The following NEURL1B variants were observed in gnomAD, a reference collection of about 807,000 sequenced individuals.
The protein encoded by NEURL1B is neuralized E3 ubiquitin protein ligase 1B, also known as E3 ubiquitin-protein ligase NEURL1B.
Under a neutral mutation model 37.4 loss-of-function variants are expected in NEURL1B, and 13 were observed. The ratio of observed to expected loss-of-function variants is 0.35; its 90% CI spans 0.23 to 0.55. The LOEUF is 0.55. Ranked by LOEUF, NEURL1B falls within the 20% of genes least tolerant of loss-of-function variation. NEURL1B has a pLI of 0.89. For missense variants in NEURL1B, 790 were observed against 879.2 expected (o/e 0.90, Z 1.28); for synonymous variants, 432 against 426.6 (o/e 1.01, Z -0.16).
chr5:172,656,950 G>A (rs1757791909), intron 1 of NEURL1B, among the ~76,000 whole-genome samples: 1 of 152,150 alleles, frequency 6.6e-6, no homozygotes, highest in Non-Finnish European at 1.5e-5. Flanking sequence ...CTGTTAAGTG[G>A]CCATTACCTT....
intron 1 of NEURL1B, among the ~76,000 whole-genome samples, chr5:172,654,571 A>ATTTTT (rs34546667): frequency 7.3e-6 from 1 of 137,028 alleles, no homozygotes; most frequent in East Asian, 2.1e-4. Context: ...GAGTTAAACT[A>ATTTTT]TTTTTTTTTT....
At chr5:172,659,544 G>A (rs546675691) in intron 1 of NEURL1B, among the ~76,000 whole-genome samples, 24 of 152,274 alleles carry the variant, frequency 1.6e-4, no homozygotes, top group Non-Finnish European at 2.8e-4. Context: ...CTCCTGCCAC[G>A]CTGGGTCACT....
chr5:172,668,712 G>A (rs759049275), intron 1 of NEURL1B, among the ~76,000 whole-genome samples: 4 of 152,224 alleles, frequency 2.6e-5, no homozygotes, highest in Non-Finnish European at 5.9e-5. Context: ...CTCAGCTGCT[G>A]TGCGAAGAGC....
At chr5:172,651,309 T>C (rs1757658904) in intron 1 of NEURL1B, among the ~76,000 whole-genome samples, 4 of 152,324 alleles carry the variant, frequency 2.6e-5, no homozygotes, top group African/African-American at 9.6e-5. Flanking sequence ...TATGAGCCTT[T>C]GCATCAACTT....
intron 1 of NEURL1B, among the ~76,000 whole-genome samples, chr5:172,653,670 T>G (rs1297604491): frequency 6.6e-6 from 1 of 152,242 alleles, no homozygotes; most frequent in Non-Finnish European, 1.5e-5. Flanking sequence ...TTTTAACCTT[T>G]TAATGTAGGT....
chr5:172,663,604 A>G (rs970053311), intron 1 of NEURL1B, among the ~76,000 whole-genome samples: 1 of 151,192 alleles, frequency 6.6e-6, no homozygotes. Flanking sequence ...GGCAACTGCA[A>G]AGGTCTCCAC....
chr5:172,654,298 T>TA (rs781399475), intron 1 of NEURL1B, among the ~76,000 whole-genome samples: 6 of 152,334 alleles, frequency 3.9e-5, no homozygotes, highest in Non-Finnish European at 7.4e-5. Flanking sequence ...GCAGACCAAT[T>TA]ATTAGGCAAT....
At chr5:172,674,089 G>A (rs1322916005) in intron 2 of NEURL1B, among the ~76,000 whole-genome samples, 2 of 151,858 alleles carry the variant, frequency 1.3e-5, no homozygotes, top group African/African-American at 4.8e-5. Context: ...GCAGTGAGCC[G>A]AGATGGCACC....
intron 1 of NEURL1B, among the ~76,000 whole-genome samples, chr5:172,654,474 C>A (rs1757726002): frequency 6.6e-6 from 1 of 152,116 alleles, no homozygotes; most frequent in African/African-American, 2.4e-5. Flanking sequence ...ACTTAGATCC[C>A]CTGTTAGGAA....
Position 172,670,106 on chromosome 5 carries a change from C to T in NEURL1B, c.353C>T (p.Ala118Val). Residue 118 changes from alanine to valine, a missense_variant, in exon 2 of 5, where the codon GCC (alanine) becomes GTC (valine). By Grantham distance (64) the Ala-to-Val change is moderately conservative (BLOSUM62 0). Coordinates refer to ENST00000369800, the MANE Select transcript of NEURL1B (RefSeq NM_001142651.3). ...LMSAQDIPKY[A>V]CPDLVTRPGY... is the part of the protein sequence containing the mutation. ...AGCGCCCAGGACATCCCCAAGTACG[C>T]CTGCCCGGACCTGGTCACGCGGCCG... 8 of 1,522,364 alleles carry T rather than the reference C, an allele frequency of 5.3e-6. No individual in the cohort carries two copies. Among genetic ancestry groups the T allele is most frequent in the Non-Finnish European group, 6.1e-6 (7 of 1,140,966 alleles). 94.3% of individuals were successfully genotyped at this position (1,522,364 alleles called of 1,614,324 possible). A position where few individuals can be genotyped will look rare whatever the true frequency, so the allele number is the denominator to read the frequency against.
chr5:172,685,653 C>G (rs1262893378), intron 3 of NEURL1B, among the ~76,000 whole-genome samples: 1 of 152,230 alleles, frequency 6.6e-6, no homozygotes, highest in African/African-American at 2.4e-5. Context: ...GGAAGGATAT[C>G]AGCAGGATCC....
chr5:172,651,234 A>G (rs1561641651), intron 1 of NEURL1B, among the ~76,000 whole-genome samples: 1 of 152,168 alleles, frequency 6.6e-6, no homozygotes, highest in African/African-American at 2.4e-5. Flanking sequence ...TTGATTTTCC[A>G]AAAGCAGTAG....
chr5:172,683,499 G>T lies in NEURL1B; in HGVS notation c.658G>T (p.Asp220Tyr). The T allele has an allele frequency of 6.7e-7, 1 of 1,502,860 alleles. No individual in the cohort carries two copies. Among genetic ancestry groups the T allele is most frequent in the East Asian group, 2.7e-5 (1 of 37,226 alleles). 93.1% of individuals were successfully genotyped at this position (1,502,860 alleles called of 1,614,324 possible). A position where few individuals can be genotyped will look rare whatever the true frequency, so the allele number is the denominator to read the frequency against. Residue 220 changes from aspartate to tyrosine, a missense_variant, in exon 3 of 5, where the codon GAC (aspartate) becomes TAC (tyrosine). By Grantham distance (160) the Asp-to-Tyr change is radical (BLOSUM62 -3). Transcript: ENST00000369800. The surrounding 1 kb of genome is among the most constrained non-coding windows in gnomAD (Gnocchi z 5.6). ...CGCCTGCCTGCCGCCCAGCAGCCAC[G>T]ACGCGGCCAACTTCGACAACAACGA... Reference protein sequence around the residue: ...FSACLPPSSHDAANFDNNELE... With the variant: ...FSACLPPSSHYAANFDNNELE...
chr5:172,667,646 A>T (rs577033750), intron 1 of NEURL1B, among the ~76,000 whole-genome samples: 1 of 151,970 alleles, frequency 6.6e-6, no homozygotes, highest in African/African-American at 2.4e-5. Context: ...CCTACCCCCA[A>T]TAGGAGCCAT....
At chr5:172,656,703 C>A in intron 1 of NEURL1B, 1 of 1,364,216 alleles carries the variant, frequency 7.3e-7, no homozygotes, top group Non-Finnish European at 1.0e-6. Flanking sequence ...GCCACCTTCG[C>A]GGCCGGACAT....
chr5:172,672,545 C>CG (rs1554098453), intron 2 of NEURL1B, among the ~76,000 whole-genome samples: 10 of 130,612 alleles, frequency 7.7e-5, no homozygotes, highest in Non-Finnish European at 1.1e-4. Flanking sequence ...AACTCTCCCC[C>CG]CCCCACTCTA....
chr5:172,653,587 A>G (rs542140516), intron 1 of NEURL1B, among the ~76,000 whole-genome samples: 6 of 152,336 alleles, frequency 3.9e-5, no homozygotes, highest in Admixed American at 3.9e-4. Context: ...ACTTTAGCCA[A>G]TATGTTTACA....
At chr5:172,654,365 T>C (rs1757723979) in intron 1 of NEURL1B, among the ~76,000 whole-genome samples, 1 of 152,174 alleles carries the variant, frequency 6.6e-6, no homozygotes, top group East Asian at 1.9e-4. Flanking sequence ...ACCTATTGTG[T>C]CTTTTTCCCT....
At chr5:172,658,443 G>A (rs1164176278) in intron 1 of NEURL1B, among the ~76,000 whole-genome samples, 1 of 151,992 alleles carries the variant, frequency 6.6e-6, no homozygotes, top group Non-Finnish European at 1.5e-5. Context: ...GTGAGTGAGG[G>A]GGAGAGAGAA....
Sources: allele counts gnomAD v4.1 joint callset (sites outside exome capture counted in the v4.1 genomes callset), GRCh38; gene constraint gnomAD v4.1.1; non-coding constraint Gnocchi (gnomAD v3.1); transcripts MANE v1.5; gene names NCBI Gene and HGNC (gene_info 2026-07-23, HGNC 2026-07-21).